The following YPEL1 variants were observed in gnomAD, a reference collection of about 807,000 sequenced individuals.
YPEL1 encodes protein yippee-like 1.
Under a neutral mutation model 17.3 loss-of-function variants are expected in YPEL1, and 7 were observed. That is an observed-to-expected ratio of 0.40 (90% CI 0.23 to 0.76). The LOEUF (loss-of-function observed/expected upper bound fraction) is 0.76. Among genes scored for constraint, YPEL1 ranks in the 30% least tolerant of loss-of-function variants. The pLI is 0.35. For missense variants in YPEL1, 91 were observed against 155.5 expected, an observed-to-expected ratio of 0.59 and a Z score of 2.21; for synonymous variants, 59 against 59.6, an observed-to-expected ratio of 0.99 and a Z score of 0.05.
At position 21,698,933 on chromosome 22, in the gene YPEL1, CA is replaced by C. The variant is rs1337375921; in HGVS notation, c.*2195del. The C allele has an allele frequency of 6.6e-6, 1 of 152,580 alleles. No individual in the cohort carries two copies. Among genetic ancestry groups the C allele is most frequent in the Non-Finnish European group, 1.5e-5 (1 of 68,084 alleles). 9.5% of individuals were successfully genotyped at this position (152,580 alleles called of 1,614,324 possible). ...GGATGTGGAGGCTTCCAAGACAGTA[CA>C]AAGATTTCCTTCCTTTCCTAAGTGG... On this transcript the variant is annotated 3_prime_UTR_variant, in exon 5 of 5. Transcript: ENST00000339468.
chr22:21,727,392 A>G (rs1288053236), intron 1 of YPEL1, among the ~76,000 whole-genome samples: 1 of 152,226 alleles, frequency 6.6e-6, no homozygotes, highest in African/African-American at 2.4e-5. Context: ...ATAAGGAACC[A>G]CCCTGAAGTA....
chr22:21,712,626 C>T (rs1484868570), intron 1 of YPEL1, among the ~76,000 whole-genome samples: 3 of 149,686 alleles, frequency 2.0e-5, no homozygotes, highest in African/African-American at 7.4e-5. Flanking sequence ...CTTGGGAGGC[C>T]GAGGCAGCAG....
intron 1 of YPEL1, among the ~76,000 whole-genome samples, chr22:21,734,716 G>A (rs2148617976): frequency 6.6e-6 from 1 of 152,342 alleles, no homozygotes; most frequent in East Asian, 1.9e-4. Flanking sequence ...CACAGCTCCT[G>A]GCACCTGGCA....
At chr22:21,707,841 G>A (rs1472525729) in intron 2 of YPEL1, among the ~76,000 whole-genome samples, 1 of 152,184 alleles carries the variant, frequency 6.6e-6, no homozygotes, top group African/African-American at 2.4e-5. Flanking sequence ...AGGCTTTGGA[G>A]GACATATGGT....
intron 1 of YPEL1, among the ~76,000 whole-genome samples, chr22:21,726,248 C>T (rs1047691531): frequency 6.6e-6 from 1 of 152,178 alleles, no homozygotes; most frequent in African/African-American, 2.4e-5. Flanking sequence ...GCTGTGGCCC[C>T]AAGCTGGTCC....
chr22:21,733,354 T>C (rs1424240965), intron 1 of YPEL1, among the ~76,000 whole-genome samples: 5 of 152,130 alleles, frequency 3.3e-5, no homozygotes, highest in Non-Finnish European at 7.3e-5. Context: ...AGGTGGAGGC[T>C]GCAGTGAGCC....
intron 1 of YPEL1, among the ~76,000 whole-genome samples, chr22:21,726,528 C>T (rs748568313): frequency 5.9e-5 from 9 of 152,144 alleles, no homozygotes; most frequent in Non-Finnish European, 1.0e-4. Flanking sequence ...GGAGCATCAG[C>T]GGAGGACAGT....
intron 1 of YPEL1, among the ~76,000 whole-genome samples, chr22:21,727,940 C>T (rs1601643024): frequency 1.3e-5 from 2 of 152,252 alleles, no homozygotes; most frequent in African/African-American, 2.4e-5. Flanking sequence ...CAGGCAGATA[C>T]GGAAGCCAGT....
intron 1 of YPEL1, among the ~76,000 whole-genome samples, chr22:21,711,474 C>T (rs1358372392): frequency 5.3e-5 from 8 of 152,154 alleles, no homozygotes; most frequent in Non-Finnish European, 1.0e-4. Flanking sequence ...ACCCCGAATC[C>T]GGGAATTCAC....
At chr22:21,724,156 C>G (rs1277362467) in intron 1 of YPEL1, among the ~76,000 whole-genome samples, 1 of 152,190 alleles carries the variant, frequency 6.6e-6, no homozygotes, top group Non-Finnish European at 1.5e-5. Flanking sequence ...CTCTTGACCT[C>G]AGGAACATTC....
intron 1 of YPEL1, among the ~76,000 whole-genome samples, chr22:21,724,470 G>A (rs1456152045): frequency 6.6e-6 from 1 of 152,160 alleles, no homozygotes. Context: ...TCGGGAGATG[G>A]AGGTTGCTGT....
intron 1 of YPEL1, among the ~76,000 whole-genome samples, chr22:21,724,733 A>G (rs1244025964): frequency 1.3e-5 from 2 of 150,518 alleles, no homozygotes; most frequent in Admixed American, 6.6e-5. Flanking sequence ...GGTGTGCGCC[A>G]CCACACTTGG....
rs1338663470 is a variant in YPEL1, at chr22:21,721,416, C to T, written c.-164-10508G>A. On this transcript the variant is annotated intron_variant, in intron 1 of 4. Transcript: ENST00000339468. The stretch of plus-strand genomic sequence containing the variant: ...TACAGCAGTGAGCCACCATGCCCAG[C>T]CTTTTTTTCTTTTTTTTTTTTTTTT... Among the ~76,000 whole-genome samples, 5 of 49,474 alleles carry T rather than the reference C, an allele frequency of 1.0e-4. No homozygotes were observed. The East Asian group carries it at 1.3e-3, about 13-fold the overall frequency. 32.5% of individuals were successfully genotyped at this position (49,474 alleles called of 152,430 possible). A position where few individuals can be genotyped will look rare whatever the true frequency, so the allele number is the denominator to read the frequency against.
intron 1 of YPEL1, among the ~76,000 whole-genome samples, chr22:21,719,034 T>G (rs2068254979): frequency 1.3e-5 from 2 of 152,204 alleles, no homozygotes; most frequent in Non-Finnish European, 2.9e-5. Flanking sequence ...TATTAGATCT[T>G]ATCTATTGCC....
At chr22:21,706,864 A>G (rs2068120828) in intron 2 of YPEL1, among the ~76,000 whole-genome samples, 1 of 152,028 alleles carries the variant, frequency 6.6e-6, no homozygotes, top group Non-Finnish European at 1.5e-5. Flanking sequence ...TAAATAAATA[A>G]ATAAAAATAA....
chr22:21,732,251 C>T (rs930555990), intron 1 of YPEL1, among the ~76,000 whole-genome samples: 1 of 152,202 alleles, frequency 6.6e-6, no homozygotes, highest in Non-Finnish European at 1.5e-5. Context: ...CCTTAGCCCT[C>T]TATGTCTTGG....
At chr22:21,728,891 C>T (rs1306646457) in intron 1 of YPEL1, among the ~76,000 whole-genome samples, 1 of 152,108 alleles carries the variant, frequency 6.6e-6, no homozygotes, top group East Asian at 1.9e-4. Flanking sequence ...GCCTGTAATC[C>T]CAGCACTTTG....
intron 1 of YPEL1, among the ~76,000 whole-genome samples, chr22:21,720,177 CAAAAA>C (rs1292044683): frequency 1.7e-4 from 14 of 81,494 alleles, no homozygotes; most frequent in African/African-American, 7.2e-4. Context: ...GACTCTGTAT[CAAAAA>C]AAAAAAAAAA....
intron 4 of YPEL1, among the ~76,000 whole-genome samples, chr22:21,702,744 CAG>C (rs1010895655): frequency 1.4e-4 from 22 of 152,210 alleles, no homozygotes; most frequent in Middle Eastern, 3.4e-3. Context: ...CCACGAAGGT[CAG>C]AGAGAGTGGA....
Sources: gnomAD v4.1 joint callset for allele counts (sites outside exome capture counted in the v4.1 genomes callset) on GRCh38, gnomAD v4.1.1 for gene constraint, MANE v1.5 for transcripts, NCBI Gene and HGNC (gene_info 2026-07-23, HGNC 2026-07-21) for gene names.